The following LRRK1 variants were observed in gnomAD, a reference collection of about 807,000 sequenced individuals.
The protein encoded by LRRK1 is leucine rich repeat kinase 1, also known as leucine-rich repeat serine/threonine-protein kinase 1.
Under a neutral mutation model 209.1 loss-of-function variants are expected in LRRK1, and 113 were observed. That is an observed-to-expected ratio of 0.54 (90% CI 0.46 to 0.63). The LOEUF (loss-of-function observed/expected upper bound fraction) is 0.63, where lower values mean the gene tolerates loss of function less well. LRRK1 is among the 30% of genes least tolerant of loss of function. The probability of loss-of-function intolerance (pLI) is 0.00; values close to 1 mark genes in which losing one functional copy is unlikely to be tolerated. For missense variants in LRRK1, 2,284 were observed against 2,632.2 expected (o/e 0.87, Z 2.89); for synonymous variants, 1,144 against 1,099.7 (o/e 1.04, Z -0.80).
At chr15:101,011,323 A>T (rs534032808) in intron 9 of LRRK1, among the ~76,000 whole-genome samples, 79 of 151,884 alleles carry the variant, frequency 5.2e-4, no homozygotes, top group African/African-American at 1.2e-3. Flanking sequence ...AAAAAAAAAA[A>T]AAATAAGCTG....
Position 101,054,942 on chromosome 15 carries a change from C to T in LRRK1, c.4055-4C>T, listed in dbSNP as rs2035707542. ...TACATTTGAAAATTGTTTTTCTTTG[C>T]AAGATTCTTCCTTTATACCCCTGGG... is the stretch of plus-strand genomic sequence containing the variant. On this transcript the variant is annotated splice_region_variant and splice_polypyrimidine_tract_variant and intron_variant, in intron 26 of 33. Coordinates refer to ENST00000388948, the MANE Select transcript of LRRK1 (RefSeq NM_024652.6). The T allele has an allele frequency of 6.4e-7, 1 of 1,565,056 alleles. No individual in the cohort carries two copies. Among genetic ancestry groups the T allele is most frequent in the South Asian group, 1.2e-5 (1 of 84,494 alleles).
In LRRK1 at chr15:100,973,820, C is replaced by T; in HGVS notation, c.114C>T (p.Gly38=). 7.7e-7 allele frequency: 1 copy of T among 1,291,870 alleles called. No individual in the cohort carries two copies. Among genetic ancestry groups the T allele is most frequent in the Non-Finnish European group, 9.8e-7 (1 of 1,016,958 alleles). The allele number at this position is 1,291,870 out of a possible 1,614,324, so 80.0% of individuals were successfully genotyped here. Residue 38 remains glycine (G), a synonymous_variant, in exon 3 of 34, where the codon GGC becomes GGT. Coordinates refer to ENST00000388948, the MANE Select transcript of LRRK1 (RefSeq NM_024652.6). ...METLNGAGDT[G]GKPSTRGGDP... is the part of the protein sequence containing the mutation. ...CCCGCGCAGGTGCCGGGGACACGGG[C>T]GGCAAGCCGTCCACGCGGGGCGGTG...
At position 101,009,004 on chromosome 15, in the gene LRRK1, C is replaced by G; in HGVS notation, c.930C>G (p.Ser310=). 6.2e-7 allele frequency: 1 copy of G among 1,614,192 alleles called. No individual in the cohort carries two copies. The highest frequency in any genetic ancestry group is 8.5e-7 in the Non-Finnish European group (1 of 1,180,028). The change falls in exon 7 of 34, where the codon TCC becomes TCG. Residue 310 remains serine (S), a synonymous_variant. Transcript: ENST00000388948. ...GLINLRKLNL[S]DNHLGELPGV... ...TCAATCTCCGGAAGCTGAACCTCTC[C>G]GACAACCACCTGGGGGAGCTGCCTG...
At chr15:101,021,747 G>T in intron 13 of LRRK1, 98 bp from the exon 14 acceptor site, 1 of 791,828 alleles carries the variant, frequency 1.3e-6, no homozygotes, top group East Asian at 2.7e-5. Flanking sequence ...GGTACAGGCT[G>T]CAGAGGCTGA....
intron 33 of LRRK1, chr15:101,067,421 ATGTGTG>A (rs57333844): frequency 0.094 from 27,817 of 296,290 alleles, 1,405 homozygotes; most frequent in African/African-American, 0.16. Flanking sequence ...CTCAGTTCAA[ATGTGTG>A]TGTGTGTGTG....
intron 2 of LRRK1, among the ~76,000 whole-genome samples, chr15:100,950,942 A>G (rs1010307114): frequency 1.3e-5 from 2 of 152,080 alleles, no homozygotes; most frequent in African/African-American, 4.8e-5. Context: ...TCTCTACTAA[A>G]AATACAAAAA....
Position 101,008,880 on chromosome 15 carries a change from A to C in LRRK1, c.806A>C (p.Asp269Ala), listed in dbSNP as rs763339239. 6.2e-7 allele frequency: 1 copy of C among 1,614,064 alleles called. No individual in the cohort carries two copies. Among genetic ancestry groups the C allele is most frequent in the South Asian group, 1.1e-5 (1 of 91,076 alleles). Residue 269 changes from aspartate (D) to alanine (A), a missense_variant, in exon 7 of 34, where the codon GAC becomes GCC. Physicochemically the swap from Asp to Ala is moderately radical, Grantham distance 126. This residue lies in a region of LRRK1 where 494 missense variants were observed against 522.1 expected (regional missense o/e 0.95). Coordinates refer to ENST00000388948, the MANE Select transcript of LRRK1 (RefSeq NM_024652.6). Reference protein sequence around the residue: ...KWSHLRLPWVDLDWLIDISCQ... With the variant: ...KWSHLRLPWVALDWLIDISCQ... The stretch of plus-strand genomic sequence containing the variant: ...TCCCATCTCAGACTGCCCTGGGTAG[A>C]CCTAGACTGGCTCATAGACATCTCC...
chr15:100,969,568 G>A (rs1313042589), intron 2 of LRRK1, among the ~76,000 whole-genome samples: 1 of 152,002 alleles, frequency 6.6e-6, no homozygotes, highest in Non-Finnish European at 1.5e-5. Context: ...ATGTGCCATG[G>A]GGATTTACTG....
chr15:101,016,273 C>G (rs1432016057), intron 12 of LRRK1, among the ~76,000 whole-genome samples: 1 of 149,584 alleles, frequency 6.7e-6, no homozygotes, highest in Non-Finnish European at 1.5e-5. Context: ...CTCAAATATC[C>G]CATCTCCAAA....
intron 6 of LRRK1, among the ~76,000 whole-genome samples, chr15:100,994,748 T>C (rs2032322769): frequency 6.6e-6 from 1 of 152,164 alleles, no homozygotes; most frequent in African/African-American, 2.4e-5. Context: ...TTCAAGTGAA[T>C]TTCAGAGGCA....
intron 31 of LRRK1, 60 bp downstream of exon 31, chr15:101,062,750 G>A (rs897885605): frequency 4.4e-5 from 55 of 1,249,324 alleles, no homozygotes; most frequent in Non-Finnish European, 6.0e-5. Context: ...CCTAGGAGGC[G>A]TCTCCTAGCT....
chr15:100,940,481 G>A (rs1306455258), intron 2 of LRRK1, among the ~76,000 whole-genome samples: 3 of 152,132 alleles, frequency 2.0e-5, no homozygotes, highest in East Asian at 1.9e-4. Flanking sequence ...TTTTGGTGCT[G>A]CATCCTCCTC....
chr15:100,984,368 T>C (rs6598408), intron 4 of LRRK1, among the ~76,000 whole-genome samples: 144,045 of 152,236 alleles, frequency 0.95, 68,166 homozygotes, highest in East Asian at 1. Context: ...TGCTGTTGTA[T>C]ATCCCATCGG....
intron 9 of LRRK1, 151 bp from the exon 10 acceptor site, chr15:101,011,857 G>A (rs1238176954): frequency 3.1e-6 from 2 of 652,494 alleles, no homozygotes; most frequent in Non-Finnish European, 5.3e-6. Flanking sequence ...CAGTGAGGGT[G>A]TGCAGCCTTC....
At chr15:101,046,814 A>G in intron 21 of LRRK1, among the ~76,000 whole-genome samples, 1 of 152,230 alleles carries the variant, frequency 6.6e-6, no homozygotes, top group East Asian at 1.9e-4. Flanking sequence ...CCAAGGAGTT[A>G]GCTTCTGTGG....
At chr15:101,038,372 A>C (rs2034583693) in intron 20 of LRRK1, among the ~76,000 whole-genome samples, 1 of 152,216 alleles carries the variant, frequency 6.6e-6, no homozygotes, top group Non-Finnish European at 1.5e-5. Context: ...TATTGAAATT[A>C]AAAATTAAAA....
chr15:100,952,590 C>T (rs1052126969), intron 2 of LRRK1, among the ~76,000 whole-genome samples: 6 of 152,142 alleles, frequency 3.9e-5, no homozygotes, highest in Non-Finnish European at 7.3e-5. Context: ...CATTGATTAG[C>T]CCACTCTTCT....
chr15:101,001,610 T>C (rs1012635794), intron 6 of LRRK1, among the ~76,000 whole-genome samples: 17 of 152,250 alleles, frequency 1.1e-4, no homozygotes, highest in Non-Finnish European at 5.9e-5. Flanking sequence ...TTTGCTTAAC[T>C]GCAGAAAGAA....
intron 20 of LRRK1, among the ~76,000 whole-genome samples, chr15:101,040,140 T>TA: frequency 6.6e-6 from 1 of 152,208 alleles, no homozygotes; most frequent in African/African-American, 2.4e-5. Context: ...AAGATTGGTG[T>TA]TAGACCTTCC....
Sources: allele counts gnomAD v4.1 joint callset (sites outside exome capture counted in the v4.1 genomes callset), GRCh38; gene constraint gnomAD v4.1.1; regional missense constraint gnomAD v4.1.1; transcripts MANE v1.5; gene names NCBI Gene and HGNC (gene_info 2026-07-23, HGNC 2026-07-21).